The following BTD variants were observed in gnomAD, a reference collection of about 807,000 sequenced individuals.
BTD encodes biocytinase.
In BTD, 13 loss-of-function variants were observed where a neutral mutation model predicts 17.7. That is an observed-to-expected ratio of 0.74 (90% CI 0.48 to 1.17). The LOEUF is 1.17. Among genes scored for constraint, BTD ranks in the 50% most tolerant of loss-of-function variants. The probability of loss-of-function intolerance (pLI) is 0.00; values close to 1 mark genes in which losing one functional copy is unlikely to be tolerated. For synonymous variants in BTD, 240 were observed against 245.2 expected, an observed-to-expected ratio of 0.98 and a Z score of 0.20; for missense variants, 674 against 650.4, an observed-to-expected ratio of 1.04 and a Z score of -0.39.
chr3:15,659,506 C>G (rs183422902), intron 3 of BTD, among the ~76,000 whole-genome samples: 1 of 152,332 alleles, frequency 6.6e-6, no homozygotes, highest in Admixed American at 6.5e-5. Flanking sequence ...TCCAGCCACC[C>G]CTGGCTCCAT....
exon 4 of BTD, among the ~76,000 whole-genome samples, chr3:15,710,911 T>C (rs1185952922): frequency 2.0e-5 from 3 of 152,184 alleles, no homozygotes; most frequent in Admixed American, 1.3e-4. Flanking sequence ...GATGTTCTCA[T>C]TTGAGAACAT....
At chr3:15,670,303 A>G (rs763400716) in intron 3 of BTD, 6 of 1,613,834 alleles carry the variant, frequency 3.7e-6, no homozygotes, top group Non-Finnish European at 5.1e-6. Flanking sequence ...CGTTGAGCTC[A>G]TCCACGTCAG....
downstream of BTD, among the ~76,000 whole-genome samples, chr3:15,715,559 T>C (rs114462035): frequency 3.7e-3 from 571 of 152,344 alleles, 3 homozygotes; most frequent in African/African-American, 0.013. Context: ...TCTAATCTTT[T>C]GGAGGCAGTA....
At chr3:15,693,941 C>CT (rs2069163377) in intron 3 of BTD, among the ~76,000 whole-genome samples, 1 of 152,072 alleles carries the variant, frequency 6.6e-6, no homozygotes, top group African/African-American at 2.4e-5. Context: ...AATAACTGAA[C>CT]TTGTAGTGTT....
chr3:15,680,553 A>G (rs2067430582), intron 3 of BTD, among the ~76,000 whole-genome samples: 1 of 152,170 alleles, frequency 6.6e-6, no homozygotes, highest in Non-Finnish European at 1.5e-5. Context: ...GTATCAAAGT[A>G]TATCATAAAT....
intron 1 of BTD, among the ~76,000 whole-genome samples, chr3:15,625,530 T>C (rs562847010): frequency 6.7e-6 from 1 of 149,038 alleles, no homozygotes; most frequent in Non-Finnish European, 1.5e-5. Context: ...CTGGAGTTGT[T>C]TTTTGTTTGT....
At chr3:15,602,569 A>C (rs761808931) in intron 1 of BTD, among the ~76,000 whole-genome samples, 5 of 152,204 alleles carry the variant, frequency 3.3e-5, no homozygotes, top group Non-Finnish European at 5.9e-5. Flanking sequence ...AATTGTAATA[A>C]ACAGTGGAAC....
At chr3:15,677,387 G>C in intron 3 of BTD, 1 of 857,320 alleles carries the variant, frequency 1.2e-6, no homozygotes. Context: ...AGAGAGGTTT[G>C]GTCCTGAGTT....
intron 3 of BTD, among the ~76,000 whole-genome samples, chr3:15,663,034 G>C (rs1278561975): frequency 6.6e-6 from 1 of 151,358 alleles, no homozygotes; most frequent in African/African-American, 2.4e-5. Flanking sequence ...TTTCGCTCTT[G>C]TCATCCAGGC....
rs958987708 is a variant in BTD at position 15,690,308 on chromosome 3, T to C, written c.400-19752T>C. 107 of 1,099,724 alleles carry C rather than the reference T, an allele frequency of 9.7e-5. 1 individual carries two copies. In the African/African-American group the frequency reaches 1.4e-3, roughly 15 times the overall value. The allele number at this position is 1,099,724 out of a possible 1,614,324, so 68.1% of individuals were successfully genotyped here. ...GAATAAATGTAAATAAGCAAACTTG[T>C]CTTCATATTATTATCCTACTTGAGA... On this transcript the variant is annotated intron_variant, in intron 3 of 3. Transcript: ENST00000672141.
intron 3 of BTD, chr3:15,689,903 GAAAA>G: frequency 2.8e-6 from 2 of 721,212 alleles, no homozygotes; most frequent in Non-Finnish European, 4.0e-6. Flanking sequence ...TATATGATTT[GAAAA>G]AAAAAAAGGT....
Position 15,645,685 on chromosome 3 carries a change from A to G in BTD, c.*197A>G, listed in dbSNP as rs2065678224. On this transcript the variant is annotated 3_prime_UTR_variant, in exon 4 of 4. Coordinates refer to ENST00000643237, the MANE Select transcript of BTD (RefSeq NM_001370658.1). Reference sequence around the variant, plus strand: ...AGTGTCTTCCTCTTAAACCTCAATCATCGAGACATTAGGGGGTATTTTCTG... The same window carrying G: ...AGTGTCTTCCTCTTAAACCTCAATCGTCGAGACATTAGGGGGTATTTTCTG... 3 of 600,978 alleles carry G rather than the reference A, an allele frequency of 5.0e-6. No individual in the cohort carries two copies. The highest frequency in any genetic ancestry group is 4.2e-5 in the South Asian group (2 of 48,050). 37.2% of individuals were successfully genotyped at this position (600,978 alleles called of 1,614,324 possible).
downstream of BTD, among the ~76,000 whole-genome samples, chr3:15,655,315 T>A (rs2065860872): frequency 6.6e-6 from 1 of 152,176 alleles, no homozygotes; most frequent in South Asian, 2.1e-4. Context: ...AAGATACTTA[T>A]AATAAAAGCC....
intron 3 of BTD, chr3:15,709,777 G>A (rs1367413237): frequency 7.4e-7 from 1 of 1,344,428 alleles, no homozygotes; most frequent in South Asian, 1.4e-5. Flanking sequence ...AATTGACAGT[G>A]ATTTTATAAT....
In BTD at chr3:15,648,310, C is replaced by T. The variant is rs2065740564; in HGVS notation, c.*2822C>T. Among the ~76,000 whole-genome samples, 1 of 152,128 alleles carries T rather than the reference C, an allele frequency of 6.6e-6. No homozygotes were observed. ...GTATGAAATGTTTTGTGCACAAAGG[C>T]CTAGATTTGAGACAAGAGCTGATGT... On this transcript the variant is annotated 3_prime_UTR_variant, in exon 4 of 4. Transcript: ENST00000643237.
At chr3:15,706,456 A>AT (rs1408683359) in intron 3 of BTD, among the ~76,000 whole-genome samples, 1 of 152,148 alleles carries the variant, frequency 6.6e-6, no homozygotes, top group Non-Finnish European at 1.5e-5. Context: ...TCCATGATGT[A>AT]TATGTGCCAC....
chr3:15,679,247 G>A (rs2067272130), intron 3 of BTD: 1 of 1,522,038 alleles, frequency 6.6e-7, no homozygotes, highest in Non-Finnish European at 9.1e-7. Flanking sequence ...TAGGATTATA[G>A]GCATGAGCCA....
At chr3:15,658,660 C>T (rs1343452480), downstream of BTD, among the ~76,000 whole-genome samples, 1 of 152,134 alleles carries the variant, frequency 6.6e-6, no homozygotes, top group Non-Finnish European at 1.5e-5. Context: ...GCTCAGTCCT[C>T]CCAGGCAAGG....
At chr3:15,620,356 A>G (rs1043080619) in intron 1 of BTD, among the ~76,000 whole-genome samples, 1 of 152,140 alleles carries the variant, frequency 6.6e-6, no homozygotes, top group Non-Finnish European at 1.5e-5. Flanking sequence ...CCAGGGTATT[A>G]ATATTAATAT....
Sources: gnomAD v4.1 joint callset for allele counts (sites outside exome capture counted in the v4.1 genomes callset) on GRCh38, gnomAD v4.1.1 for gene constraint, MANE v1.5 for transcripts, NCBI Gene and HGNC (gene_info 2026-07-23, HGNC 2026-07-21) for gene names.